Variants in SNTG1 observed in about 807,000 individuals in gnomAD.
The protein encoded by SNTG1 is syntrophin gamma 1.
A neutral mutation model predicts 74.7 loss-of-function variants in SNTG1; 39 were observed. That is an observed-to-expected ratio of 0.52 (90% CI 0.40 to 0.68). The LOEUF (loss-of-function observed/expected upper bound fraction) is 0.68, where lower values mean the gene tolerates loss of function less well. Among genes scored for constraint, SNTG1 ranks in the 30% least tolerant of loss-of-function variants. The pLI is 0.00. For missense variants in SNTG1, 685 were observed against 609.5 expected, an observed-to-expected ratio of 1.12 and a Z score of -1.30; for synonymous variants, 254 against 217.1, an observed-to-expected ratio of 1.17 and a Z score of -1.49.
intron 2 of SNTG1, among the ~76,000 whole-genome samples, chr8:50,348,118 A>C (rs574044489): frequency 1.3e-5 from 2 of 152,332 alleles, no homozygotes; most frequent in African/African-American, 4.8e-5. Context: ...ATCCTGGGAT[A>C]GGTACCTAGG....
chr8:49,937,428 G>C (rs937735828), intron 1 of SNTG1, among the ~76,000 whole-genome samples: 1 of 152,136 alleles, frequency 6.6e-6, no homozygotes, highest in Admixed American at 6.6e-5. Flanking sequence ...TTAAATATGT[G>C]CAGTTTGTTA....
At chr8:50,344,685 C>G (rs779023783) in intron 2 of SNTG1, among the ~76,000 whole-genome samples, 1 of 152,140 alleles carries the variant, frequency 6.6e-6, no homozygotes, top group Admixed American at 6.6e-5. Flanking sequence ...AGGCGAAGAT[C>G]CAGCACAGAT....
At chr8:49,945,146 T>C (rs973988575) in intron 1 of SNTG1, among the ~76,000 whole-genome samples, 13 of 152,208 alleles carry the variant, frequency 8.5e-5, no homozygotes, top group Admixed American at 1.3e-4. Flanking sequence ...TAATCATAGA[T>C]TTAGTACCCT....
At chr8:50,330,853 A>G (rs1241416439) in intron 2 of SNTG1, among the ~76,000 whole-genome samples, 1 of 152,214 alleles carries the variant, frequency 6.6e-6, no homozygotes, top group African/African-American at 2.4e-5. Context: ...CTCACTCACT[A>G]TCACAAGAAC....
chr8:50,425,484 G>A (rs1019774982), intron 4 of SNTG1, among the ~76,000 whole-genome samples: 2 of 152,032 alleles, frequency 1.3e-5, no homozygotes, highest in African/African-American at 4.8e-5. Context: ...CCTAGTTGCA[G>A]GAAAACAAGC....
intron 13 of SNTG1, among the ~76,000 whole-genome samples, chr8:50,597,364 TATACATGTATATATACAC>T (rs1202524545): frequency 1.7e-5 from 2 of 115,492 alleles, no homozygotes; most frequent in Admixed American, 9.4e-5. Context: ...TATATACACA[TATACATGTATATATACAC>T]ATATATACAT....
intron 2 of SNTG1, among the ~76,000 whole-genome samples, chr8:50,294,985 A>G (rs1221296692): frequency 6.6e-6 from 1 of 152,190 alleles, no homozygotes. Context: ...CAGTCAACAG[A>G]TACAGGCTGA....
intron 1 of SNTG1, among the ~76,000 whole-genome samples, chr8:49,973,469 T>A (rs1369746216): frequency 1.3e-5 from 2 of 151,400 alleles, no homozygotes; most frequent in Non-Finnish European, 1.5e-5. Context: ...CATATGTAAC[T>A]AACCTGCACG....
chr8:50,467,866 T>TGA (rs2093621702), intron 8 of SNTG1, among the ~76,000 whole-genome samples: 4 of 151,940 alleles, frequency 2.6e-5, no homozygotes, highest in Non-Finnish European at 5.9e-5. Flanking sequence ...TATTTTTAAA[T>TGA]TCTCTTCAGA....
At chr8:50,280,117 T>C (rs1389930775) in intron 2 of SNTG1, among the ~76,000 whole-genome samples, 1 of 152,238 alleles carries the variant, frequency 6.6e-6, no homozygotes, top group Non-Finnish European at 1.5e-5. Context: ...TCTGGCCTCC[T>C]ACAGTCATAT....
chr8:50,762,157 T>C (rs1004211745), intron 18 of SNTG1, among the ~76,000 whole-genome samples: 1 of 151,982 alleles, frequency 6.6e-6, no homozygotes, highest in Non-Finnish European at 1.5e-5. Context: ...ACCAGTTATA[T>C]AAATCTAAAT....
chr8:50,174,498 A>G (rs1395849809), intron 2 of SNTG1, among the ~76,000 whole-genome samples: 1 of 152,182 alleles, frequency 6.6e-6, no homozygotes, highest in Admixed American at 6.5e-5. Flanking sequence ...TAAACAGTGT[A>G]TTTTCATCAT....
intron 13 of SNTG1, among the ~76,000 whole-genome samples, chr8:50,622,291 T>A (rs2094928450): frequency 6.6e-6 from 1 of 152,204 alleles, no homozygotes; most frequent in African/African-American, 2.4e-5. Flanking sequence ...ACTTGCTGAA[T>A]GTAAGAATAA....
At chr8:50,531,806 A>AAGT (rs1250164371) in intron 10 of SNTG1, among the ~76,000 whole-genome samples, 1 of 152,180 alleles carries the variant, frequency 6.6e-6, no homozygotes, top group Non-Finnish European at 1.5e-5. Flanking sequence ...TTACTTCAGA[A>AAGT]TGGGAGAAAG....
At chr8:50,043,571 C>T (rs1218720884) in intron 1 of SNTG1, among the ~76,000 whole-genome samples, 3 of 152,158 alleles carry the variant, frequency 2.0e-5, no homozygotes, top group Non-Finnish European at 2.9e-5. Context: ...CTTCACACTC[C>T]TGGCCTCACA....
intron 18 of SNTG1, among the ~76,000 whole-genome samples, chr8:50,780,664 T>C (rs550936259): frequency 6.6e-6 from 1 of 152,330 alleles, no homozygotes; most frequent in South Asian, 2.1e-4. Context: ...GCTCCTGGAT[T>C]CTTTAATTTT....
chr8:50,187,710 T>C (rs980981129), intron 2 of SNTG1, among the ~76,000 whole-genome samples: 1 of 152,174 alleles, frequency 6.6e-6, no homozygotes, highest in African/African-American at 2.4e-5. Context: ...TCAGAAACAA[T>C]ACTACGTACA....
chr8:49,940,590 G>A (rs1361914864), intron 1 of SNTG1, among the ~76,000 whole-genome samples: 6 of 152,138 alleles, frequency 3.9e-5, no homozygotes, highest in African/African-American at 1.4e-4. Flanking sequence ...GAGACAATGT[G>A]TTCAACAGAT....
chr8:50,767,607 T>G (rs1347461064), intron 18 of SNTG1, among the ~76,000 whole-genome samples: 1 of 151,666 alleles, frequency 6.6e-6, no homozygotes, highest in South Asian at 2.1e-4. Flanking sequence ...GGTATTATAG[T>G]TTTTTTTGAC....
Sources: allele counts gnomAD v4.1 joint callset (sites outside exome capture counted in the v4.1 genomes callset), GRCh38; gene constraint gnomAD v4.1.1; transcripts MANE v1.5; gene names NCBI Gene and HGNC (gene_info 2026-07-23, HGNC 2026-07-21).